Variants in CLEC2A observed in about 807,000 individuals in gnomAD.
CLEC2A encodes the protein C-type lectin domain family 2 member A.
A neutral mutation model predicts 18.6 loss-of-function variants in CLEC2A; 19 were observed. The ratio of observed to expected loss-of-function variants is 1.02; its 90% CI spans 0.71 to 1.50. The LOEUF is 1.50. Among genes scored for constraint, CLEC2A ranks in the 40% most tolerant of loss-of-function variants. CLEC2A has a pLI of 0.00. For missense variants in CLEC2A, 190 were observed against 207.9 expected, an observed-to-expected ratio of 0.91 and a Z score of 0.53; for synonymous variants, 74 against 64.0, an observed-to-expected ratio of 1.16 and a Z score of -0.75.
chr12:9,880,848 A>T, the CLEC2A span, among the ~76,000 whole-genome samples: 1 of 152,140 alleles, frequency 6.6e-6, no homozygotes, highest in Non-Finnish European at 1.5e-5. Flanking sequence ...CACCTATTTA[A>T]ATATGAATCC....
At position 9,916,739 on chromosome 12, in the gene CLEC2A, T is replaced by A; in HGVS notation, c.371A>T (p.Asp124Val). ...GGTGCCATTTGTCCATTTCCAAGAA[T>A]CTCCTTGTTTCCTGCTTAGTCCAAT... is the stretch of plus-strand genomic sequence containing the variant. ...HWIGLSRKQG[D>V]SWKWTNGTTF... The change falls in exon 4 of 5, where the codon GAT (aspartate) becomes GTT (valine). Residue 124 changes from aspartate to valine, a missense_variant. Coordinates refer to ENST00000455827, the MANE Select transcript of CLEC2A (RefSeq NM_001130711.2). The A allele has an allele frequency of 6.4e-7, 1 of 1,551,234 alleles. No homozygotes were observed.
intron 2 of CLEC2A, among the ~76,000 whole-genome samples, chr12:9,922,934 T>C (rs558881657): frequency 6.6e-6 from 1 of 152,318 alleles, no homozygotes; most frequent in Admixed American, 6.5e-5. Flanking sequence ...TTATTATTAT[T>C]ATTATTTTGT....
At chr12:9,895,141 T>G (rs752830469), downstream of CLEC2A, among the ~76,000 whole-genome samples, 1 of 152,208 alleles carries the variant, frequency 6.6e-6, no homozygotes, top group African/African-American at 2.4e-5. Context: ...TACTTTGACT[T>G]AAACAAAATC....
the CLEC2A span, chr12:9,893,143 T>G: frequency 6.5e-7 from 1 of 1,533,064 alleles, no homozygotes; most frequent in Non-Finnish European, 8.7e-7. Flanking sequence ...GCACATTTAC[T>G]GGTGATTCAA....
chr12:9,895,964 T>G, downstream of CLEC2A: 1 of 842,016 alleles, frequency 1.2e-6, no homozygotes, highest in South Asian at 2.5e-5. Context: ...AGAAAAGTAT[T>G]TTATCCTGAA....
chr12:9,893,128 T>C, the CLEC2A span: 2 of 1,535,272 alleles, frequency 1.3e-6, no homozygotes, highest in Non-Finnish European at 1.7e-6. Flanking sequence ...TGTACACAGC[T>C]ACAGGCACAT....
At chr12:9,903,064 G>T (rs1034234233) in intron 4 of CLEC2A, among the ~76,000 whole-genome samples, 14 of 152,174 alleles carry the variant, frequency 9.2e-5, no homozygotes, top group African/African-American at 3.4e-4. Flanking sequence ...AGGGCTGTTT[G>T]CAGGATAGAA....
the CLEC2A span, chr12:9,888,858 C>T: frequency 1.2e-6 from 1 of 814,140 alleles, no homozygotes; most frequent in South Asian, 1.6e-5. Context: ...GGCGTTCACC[C>T]ATGTTACACA....
chr12:9,896,456 CAA>C (rs538158997), downstream of CLEC2A, among the ~76,000 whole-genome samples: 1 of 128,668 alleles, frequency 7.8e-6, no homozygotes. Context: ...ATATTCAAAA[CAA>C]AAAAAAAAAG....
chr12:9,886,197 T>G, the CLEC2A span, among the ~76,000 whole-genome samples: 1 of 152,288 alleles, frequency 6.6e-6, no homozygotes, highest in East Asian at 1.9e-4. Flanking sequence ...TCTAATAAAT[T>G]AGTAACAATT....
At chr12:9,925,657 ATTTTT>A (rs34287798) in intron 2 of CLEC2A, among the ~76,000 whole-genome samples, 1 of 151,958 alleles carries the variant, frequency 6.6e-6, no homozygotes, top group Non-Finnish European at 1.5e-5. Context: ...TTTATGTGGG[ATTTTT>A]TTTTATAAAT....
chr12:9,927,259 T>C (rs1410510588), intron 1 of CLEC2A, among the ~76,000 whole-genome samples: 1 of 152,190 alleles, frequency 6.6e-6, no homozygotes, highest in African/African-American at 2.4e-5. Flanking sequence ...CAGGCAATTA[T>C]AACACAATGC....
chr12:9,889,615 A>G, the CLEC2A span, among the ~76,000 whole-genome samples: 1 of 151,716 alleles, frequency 6.6e-6, no homozygotes, highest in South Asian at 2.1e-4. Flanking sequence ...ATGAGACAAT[A>G]CCTTAAATCT....
At chr12:9,898,969 T>C (rs746205131) in exon 5 of CLEC2A, 10 of 714,894 alleles carry the variant, frequency 1.4e-5, no homozygotes, top group Admixed American at 6.0e-5. Flanking sequence ...CATTTGGAGT[T>C]TGATGGCCTG....
chr12:9,913,633 C>T lies in CLEC2A; in HGVS notation c.458G>A (p.Gly153Glu), dbSNP rs1373701832. The T allele has an allele frequency of 6.5e-7, 1 of 1,549,862 alleles. No individual in the cohort carries two copies. Among genetic ancestry groups the T allele is most frequent in the East Asian group, 2.4e-5 (1 of 40,908 alleles). The change falls in exon 5 of 5, where the codon GGA (glycine) becomes GAA (glutamate). Residue 153 changes from glycine to glutamate, a missense_variant. Coordinates refer to ENST00000455827, the MANE Select transcript of CLEC2A (RefSeq NM_001130711.2). ...AATAAATCCTCTGGAACTATGGACT[C>T]CATCAGCACTCAAGAAAGCAAAGGA... The part of the protein sequence containing the change: ...NGSFAFLSAD[G>E]VHSSRGFIDI...
downstream of CLEC2A, among the ~76,000 whole-genome samples, chr12:9,912,080 A>T (rs1862995152): frequency 6.6e-6 from 1 of 150,814 alleles, no homozygotes; most frequent in South Asian, 2.1e-4. Context: ...AATGTCCTCT[A>T]AAAGGAAAAA....
At chr12:9,922,685 G>A (rs1863193801) in intron 2 of CLEC2A, among the ~76,000 whole-genome samples, 1 of 152,174 alleles carries the variant, frequency 6.6e-6, no homozygotes, top group Non-Finnish European at 1.5e-5. Flanking sequence ...ATAAGAATTA[G>A]TGAAACCTTT....
At chr12:9,932,163 T>A (rs1244658286) in intron 1 of CLEC2A, 112 bp downstream of exon 1, 1 of 769,636 alleles carries the variant, frequency 1.3e-6, no homozygotes, top group East Asian at 2.8e-5. Flanking sequence ...TCCCCATCCC[T>A]CACTTACTTT....
chr12:9,880,520 ATGTGTGTGTG>A, the CLEC2A span, among the ~76,000 whole-genome samples: 1 of 147,220 alleles, frequency 6.8e-6, no homozygotes, highest in Non-Finnish European at 1.5e-5. Flanking sequence ...AACCATTAGC[ATGTGTGTGTG>A]TGTGTGTGTG....
Sources: gnomAD v4.1 joint callset for allele counts (sites outside exome capture counted in the v4.1 genomes callset) on GRCh38, gnomAD v4.1.1 for gene constraint, MANE v1.5 for transcripts, NCBI Gene and HGNC (gene_info 2026-07-23, HGNC 2026-07-21) for gene names.